Variants in E2F3 observed in about 807,000 individuals in gnomAD.
E2F3 encodes the protein transcription factor E2F3.
E2F3 carries 11 observed loss-of-function variants against 44.4 expected under a neutral mutation model. The ratio of observed to expected loss-of-function variants is 0.25; its 90% CI spans 0.16 to 0.41. E2F3 has a LOEUF of 0.41. E2F3 is among the 10% of genes least tolerant of loss of function. E2F3 has a pLI of 1.00. For synonymous variants in E2F3, 249 were observed against 253.0 expected (o/e 0.98, Z 0.15); for missense variants, 487 against 583.6 (o/e 0.83, Z 1.70).
At chr6:20,480,633 T>A (rs1384047672) in intron 2 of E2F3, among the ~76,000 whole-genome samples, 1 of 152,184 alleles carries the variant, frequency 6.6e-6, no homozygotes, top group African/African-American at 2.4e-5. Flanking sequence ...GTAAGGAAAT[T>A]TCCTTTAAGA....
chr6:20,488,240 C>T lies in E2F3; in HGVS notation c.1127C>T (p.Ala376Val). 11 of 1,584,708 alleles carry T rather than the reference C, an allele frequency of 6.9e-6. No homozygotes were observed. The highest frequency in any genetic ancestry group is 8.5e-6 in the Non-Finnish European group (10 of 1,172,118). Residue 376 changes from alanine to valine, a missense_variant, in exon 6 of 7, where the codon GCT becomes GTT. This residue lies in a region of E2F3 where 220 missense variants were observed against 261.7 expected (regional missense o/e 0.84). Transcript: ENST00000346618. ...CACAATGGGAATATCCCTAAACCCG[C>T]TTCCAAAGGTAAAAACTCCACTTTT... ...QDHNGNIPKP[A>V]SKDLASTNSG...
chr6:20,461,716 G>A (rs2127607435), intron 1 of E2F3, among the ~76,000 whole-genome samples: 1 of 152,116 alleles, frequency 6.6e-6, no homozygotes, highest in African/African-American at 2.4e-5. Context: ...TGTGTGATTG[G>A]CCTGTGTTGA....
chr6:20,426,887 G>C (rs1211164741), intron 1 of E2F3, among the ~76,000 whole-genome samples: 1 of 152,180 alleles, frequency 6.6e-6, no homozygotes, highest in African/African-American at 2.4e-5. Flanking sequence ...TAGCTCCACT[G>C]TGCTGATATC....
At chr6:20,451,142 A>C (rs1440401333) in intron 1 of E2F3, among the ~76,000 whole-genome samples, 1 of 152,164 alleles carries the variant, frequency 6.6e-6, no homozygotes, top group Non-Finnish European at 1.5e-5. Context: ...ATTTTAAAAT[A>C]GTTTTTTCTA....
rs570543556 is a variant in E2F3, at chr6:20,491,446, G to C, written c.*1016G>C. 3 of 223,884 alleles carry C rather than the reference G, an allele frequency of 1.3e-5. No homozygotes were observed. Among genetic ancestry groups the C allele is most frequent in the East Asian group, 6.4e-5 (1 of 15,630 alleles). The allele number at this position is 223,884 out of a possible 1,614,324, so 13.9% of individuals were successfully genotyped here. A position where few individuals can be genotyped will look rare whatever the true frequency, so the allele number is the denominator to read the frequency against. On this transcript the variant is annotated 3_prime_UTR_variant, in exon 7 of 7. Coordinates refer to ENST00000346618, the MANE Select transcript of E2F3 (RefSeq NM_001949.5). ...TCCCATCGTGCTTCCATTCCCAGGA[G>C]GGGGAGCTTGGAGCGAGTCAGTCCT...
rs746883408 is a variant in E2F3 at position 20,490,439 on chromosome 6, C to T, written c.*9C>T. 24 of 1,542,938 alleles carry T rather than the reference C, an allele frequency of 1.6e-5. No homozygotes were observed. In the Admixed American group the frequency reaches 1.8e-4, roughly 12 times the overall value. ...ACTTCATGTGTAGTTGATTATGCTT[C>T]GTGTGAACTCTCCTTAAAAACCGAT... On this transcript the variant is annotated 3_prime_UTR_variant, in exon 7 of 7. Transcript: ENST00000346618. The surrounding 1 kb of genome is among the most constrained non-coding windows in gnomAD (Gnocchi z 4.3).
intron 1 of E2F3, among the ~76,000 whole-genome samples, chr6:20,466,305 G>A (rs148152475): frequency 6.6e-6 from 1 of 152,212 alleles, no homozygotes; most frequent in East Asian, 1.9e-4. Flanking sequence ...TAGAGATGGG[G>A]TTTCACCATG....
chr6:20,404,198 G>C (rs1350030575), intron 1 of E2F3, among the ~76,000 whole-genome samples: 1 of 151,676 alleles, frequency 6.6e-6, no homozygotes, highest in Non-Finnish European at 1.5e-5. Flanking sequence ...GTGGGTCAGA[G>C]GGTAGGGTGT....
chr6:20,434,517 C>T (rs574351073), intron 1 of E2F3, among the ~76,000 whole-genome samples: 13 of 152,228 alleles, frequency 8.5e-5, no homozygotes, highest in East Asian at 5.8e-4. Flanking sequence ...TTTTCTCCTA[C>T]GCCACTTAAA....
chr6:20,480,019 T>C (rs1762170291), intron 2 of E2F3, 62 bp downstream of exon 2: 3 of 1,541,566 alleles, frequency 1.9e-6, no homozygotes, highest in Non-Finnish European at 2.6e-6. Flanking sequence ...GTTTCAAAGC[T>C]TATGGCCGGA....
At chr6:20,442,445 T>A (rs982772166) in intron 1 of E2F3, among the ~76,000 whole-genome samples, 1 of 152,242 alleles carries the variant, frequency 6.6e-6, no homozygotes, top group African/African-American at 2.4e-5. Context: ...TTTTTATTCC[T>A]GAAAGCAAAG....
At chr6:20,411,496 C>G (rs1235094521) in intron 1 of E2F3, among the ~76,000 whole-genome samples, 1 of 152,196 alleles carries the variant, frequency 6.6e-6, no homozygotes, top group Non-Finnish European at 1.5e-5. Context: ...GCAGACTTGC[C>G]ACCTTCAGTG....
chr6:20,440,404 G>A (rs187249709), intron 1 of E2F3, among the ~76,000 whole-genome samples: 159 of 152,284 alleles, frequency 1.0e-3, no homozygotes, highest in African/African-American at 3.7e-3. Flanking sequence ...TCCAGCTAAG[G>A]CAGTTCTCAC....
chr6:20,455,684 C>A (rs750455009), intron 1 of E2F3, among the ~76,000 whole-genome samples: 3,166 of 152,270 alleles, frequency 0.021, 65 homozygotes, highest in African/African-American at 0.052. Flanking sequence ...GGGCACTGTT[C>A]TTAATAAACT....
intron 1 of E2F3, among the ~76,000 whole-genome samples, chr6:20,413,512 G>T (rs1759743379): frequency 6.6e-6 from 1 of 152,168 alleles, no homozygotes; most frequent in Admixed American, 6.5e-5. Context: ...TGTAGCCCAG[G>T]CAAACCATAC....
intron 1 of E2F3, among the ~76,000 whole-genome samples, chr6:20,446,270 T>G (rs1043770252): frequency 1.5e-4 from 23 of 152,292 alleles, no homozygotes; most frequent in African/African-American, 5.5e-4. Flanking sequence ...GACGTTAAGT[T>G]TCTCATCTGA....
chr6:20,445,169 A>G (rs770670121), intron 1 of E2F3: 15 of 981,250 alleles, frequency 1.5e-5, no homozygotes, highest in Non-Finnish European at 1.8e-5. Flanking sequence ...TTGTACTTAA[A>G]AATAGAATAC....
intron 1 of E2F3, among the ~76,000 whole-genome samples, chr6:20,433,200 C>T (rs1217499747): frequency 2.6e-5 from 4 of 152,182 alleles, no homozygotes; most frequent in Admixed American, 6.5e-5. Context: ...AAGGCAGCCT[C>T]AGCCCCTTTC....
chr6:20,479,287 C>T (rs1204804971), intron 1 of E2F3, among the ~76,000 whole-genome samples: 7 of 152,166 alleles, frequency 4.6e-5, no homozygotes, highest in Admixed American at 3.3e-4. Flanking sequence ...TACAGAAACC[C>T]AGGCTCTGTG....
Sources: allele counts gnomAD v4.1 joint callset (sites outside exome capture counted in the v4.1 genomes callset), GRCh38; gene constraint gnomAD v4.1.1; regional missense constraint gnomAD v4.1.1; non-coding constraint Gnocchi (gnomAD v3.1); transcripts MANE v1.5; gene names NCBI Gene and HGNC (gene_info 2026-07-23, HGNC 2026-07-21).